The following NIPAL2 variants were observed in gnomAD, a reference collection of about 807,000 sequenced individuals.
The protein encoded by NIPAL2 is NIPA-like protein 2.
A neutral mutation model predicts 48.9 loss-of-function variants in NIPAL2; 43 were observed. The observed-to-expected ratio is 0.88, with a 90% confidence interval of 0.69 to 1.13. NIPAL2 has a LOEUF of 1.13. Among genes scored for constraint, NIPAL2 ranks in the 50% most tolerant of loss-of-function variants. NIPAL2 has a pLI of 0.00. For missense variants in NIPAL2, 446 were observed against 461.4 expected (o/e 0.97, Z 0.31); for synonymous variants, 167 against 174.6 (o/e 0.96, Z 0.34).
At chr8:98,271,668 A>G (rs1219729575) in intron 1 of NIPAL2, among the ~76,000 whole-genome samples, 2 of 152,132 alleles carry the variant, frequency 1.3e-5, no homozygotes, top group East Asian at 1.9e-4. Context: ...CTCTTTTCCT[A>G]TTTGGATGCC....
At chr8:98,256,221 G>A (rs13263283) in intron 1 of NIPAL2, among the ~76,000 whole-genome samples, 67,104 of 151,630 alleles carry the variant, frequency 0.44, 16,261 homozygotes, top group Non-Finnish European at 0.56. Flanking sequence ...ACGGCATTTC[G>A]CCATGTTGGT....
chr8:98,209,268 T>A (rs991450113), intron 6 of NIPAL2, among the ~76,000 whole-genome samples: 15 of 152,046 alleles, frequency 9.9e-5, no homozygotes, highest in Admixed American at 7.2e-4. Flanking sequence ...AAGTAGAATA[T>A]GTAAGTGCAA....
At chr8:98,217,418 C>G (rs1000212769) in intron 5 of NIPAL2, 12 of 860,744 alleles carry the variant, frequency 1.4e-5, no homozygotes, top group Non-Finnish European at 1.4e-5. Context: ...TGATCAGTCC[C>G]GAAAGCCAAT....
chr8:98,225,097 A>T (rs1222184638), intron 4 of NIPAL2, among the ~76,000 whole-genome samples: 1 of 152,080 alleles, frequency 6.6e-6, no homozygotes. Context: ...ATATTATTTC[A>T]TCTGGGCCTC....
At chr8:98,277,013 G>A (rs1371063551) in intron 1 of NIPAL2, among the ~76,000 whole-genome samples, 1 of 151,332 alleles carries the variant, frequency 6.6e-6, no homozygotes, top group Non-Finnish European at 1.5e-5. Context: ...GAAGTGATCT[G>A]CTCGCCTTGG....
intron 1 of NIPAL2, among the ~76,000 whole-genome samples, chr8:98,283,484 G>A (rs886705974): frequency 2.6e-5 from 4 of 152,156 alleles, no homozygotes; most frequent in African/African-American, 9.7e-5. Context: ...CAGACATGCT[G>A]AACACAAAGA....
chr8:98,211,750 G>GTGTGTGTGTGTC (rs1554562918), intron 6 of NIPAL2, among the ~76,000 whole-genome samples: 1 of 150,904 alleles, frequency 6.6e-6, no homozygotes, highest in African/African-American at 2.4e-5. Flanking sequence ...GTGTGTGTGT[G>GTGTGTGTGTGTC]TGTGTGTGTG....
In NIPAL2 at chr8:98,252,576, A is replaced by G. The variant is rs1813653858; in HGVS notation, c.263T>C (p.Val88Ala). ...QEHPRPYFKS[V>A]LWWGGVLLMA... ...CAGCAGGACACCACCCCACCACAGC[A>G]CACTCTTGAAGTATGGCCTTGGGTG... The change falls in exon 3 of 11, where the codon GTG (valine) becomes GCG (alanine). Residue 88 changes from valine to alanine, a missense_variant. By Grantham distance (64) the Val-to-Ala change is moderately conservative. Coordinates refer to ENST00000430223, the MANE Select transcript of NIPAL2 (RefSeq NM_001321635.2). 2 of 1,614,036 alleles carry G rather than the reference A, an allele frequency of 1.2e-6. No homozygotes were observed. Among genetic ancestry groups the G allele is most frequent in the Non-Finnish European group, 8.5e-7 (1 of 1,180,006 alleles).
intron 1 of NIPAL2, among the ~76,000 whole-genome samples, chr8:98,259,111 C>G: frequency 1.0e-5 from 1 of 96,800 alleles, no homozygotes; most frequent in Non-Finnish European, 1.9e-5. Context: ...GAGTTTCGCT[C>G]TGTCGCCCAG....
intron 1 of NIPAL2, among the ~76,000 whole-genome samples, chr8:98,257,185 C>A (rs905034233): frequency 6.6e-6 from 1 of 152,042 alleles, no homozygotes; most frequent in African/African-American, 2.4e-5. Context: ...CACAGCTGAC[C>A]AGCATTAACA....
At chr8:98,198,481 C>T (rs1810656490) in intron 8 of NIPAL2, among the ~76,000 whole-genome samples, 2 of 152,326 alleles carry the variant, frequency 1.3e-5, no homozygotes, top group East Asian at 1.9e-4. Flanking sequence ...TGAAATCAGA[C>T]ATTTACTTCT....
intron 8 of NIPAL2, among the ~76,000 whole-genome samples, chr8:98,199,392 T>C (rs1810704442): frequency 6.6e-6 from 1 of 152,178 alleles, no homozygotes; most frequent in African/African-American, 2.4e-5. Flanking sequence ...AAGGGAAGGA[T>C]TGTGGGATGC....
At chr8:98,261,004 C>T (rs1399915452) in intron 1 of NIPAL2, among the ~76,000 whole-genome samples, 1 of 152,240 alleles carries the variant, frequency 6.6e-6, no homozygotes, top group Non-Finnish European at 1.5e-5. Context: ...GGGAGGCACC[C>T]ACCAGCAGGG....
Position 98,222,502 on chromosome 8 carries a change from C to T in NIPAL2, c.535G>A (p.Gly179Arg), listed in dbSNP as rs756663093. Residue 179 changes from glycine (G) to arginine (R), a missense_variant, in exon 5 of 11, where the codon GGA (glycine) becomes AGA (arginine). Coordinates refer to ENST00000430223, the MANE Select transcript of NIPAL2 (RefSeq NM_001321635.2). Reference sequence around the variant, plus strand: ...ACCACATAGATCAGGAACTGCCATCCGACAAGGTAATACTGTACTGTTCTT... The same window carrying T: ...ACCACATAGATCAGGAACTGCCATCTGACAAGGTAATACTGTACTGTTCTT... ...SARTVQYYLV[G>R]WQFLIYVILE... is the part of the protein sequence containing the mutation. 4.1e-5 allele frequency: 66 copies of T among 1,613,368 alleles called. 1 individual carries two copies. Among genetic ancestry groups the T allele is most frequent in the Middle Eastern group, 1.6e-4 (1 of 6,082 alleles).
chr8:98,194,468 A>T (rs1458212644), intron 10 of NIPAL2, among the ~76,000 whole-genome samples: 1 of 152,070 alleles, frequency 6.6e-6, no homozygotes, highest in African/African-American at 2.4e-5. Flanking sequence ...ATTTAAGGAA[A>T]CCCAAAAAGG....
chr8:98,193,943 G>A (rs1329459793), intron 10 of NIPAL2, among the ~76,000 whole-genome samples: 1 of 152,184 alleles, frequency 6.6e-6, no homozygotes, highest in African/African-American at 2.4e-5. Flanking sequence ...GAATGGCAAA[G>A]AGAACACAGA....
intron 1 of NIPAL2, among the ~76,000 whole-genome samples, chr8:98,271,772 T>A (rs1362058350): frequency 6.6e-6 from 1 of 152,136 alleles, no homozygotes; most frequent in Non-Finnish European, 1.5e-5. Flanking sequence ...TTCCAGTTCT[T>A]AAGGGGAATG....
intron 1 of NIPAL2, among the ~76,000 whole-genome samples, chr8:98,264,286 T>G (rs1287356819): frequency 2.6e-5 from 3 of 117,498 alleles, no homozygotes; most frequent in Non-Finnish European, 5.3e-5. Context: ...CCAGGGCAAT[T>G]AGGCAGGAGA....
chr8:98,240,347 A>G (rs985801663), intron 3 of NIPAL2, among the ~76,000 whole-genome samples: 1 of 152,180 alleles, frequency 6.6e-6, no homozygotes, highest in African/African-American at 2.4e-5. Flanking sequence ...AAGAAAAACC[A>G]GGAGGAAGAT....
Sources: allele counts gnomAD v4.1 joint callset (sites outside exome capture counted in the v4.1 genomes callset), GRCh38; gene constraint gnomAD v4.1.1; transcripts MANE v1.5; gene names NCBI Gene and HGNC (gene_info 2026-07-23, HGNC 2026-07-21).